The following FFAR4 variants were observed in gnomAD, a reference collection of about 807,000 sequenced individuals.
FFAR4 encodes the protein free fatty acid receptor 4.
FFAR4 carries 19 observed loss-of-function variants against 27.0 expected under a neutral mutation model. That is an observed-to-expected ratio of 0.70 (90% CI 0.49 to 1.03). The LOEUF (loss-of-function observed/expected upper bound fraction) is 1.03. Ranked by LOEUF, FFAR4 falls within the 50% of genes least tolerant of loss-of-function variation. The probability of loss-of-function intolerance (pLI) is 0.00; values close to 1 mark genes in which losing one functional copy is unlikely to be tolerated. For synonymous variants in FFAR4, 254 were observed against 215.6 expected (o/e 1.18, Z -1.56); for missense variants, 476 against 479.0 (o/e 0.99, Z 0.06).
intron 1 of FFAR4, among the ~76,000 whole-genome samples, chr10:93,574,213 A>G (rs2058148819): frequency 6.6e-6 from 1 of 152,080 alleles, no homozygotes; most frequent in Non-Finnish European, 1.5e-5. Flanking sequence ...TTTCACTCCT[A>G]CTGTAGAGAG....
intron 1 of FFAR4, among the ~76,000 whole-genome samples, chr10:93,574,086 A>G (rs1169568654): frequency 6.6e-6 from 1 of 152,142 alleles, no homozygotes; most frequent in African/African-American, 2.4e-5. Context: ...TGTATGTGAG[A>G]GAGAAAGTGT....
At chr10:93,579,735 G>A (rs2058187767) in intron 2 of FFAR4, among the ~76,000 whole-genome samples, 1 of 152,186 alleles carries the variant, frequency 6.6e-6, no homozygotes, top group African/African-American at 2.4e-5. Context: ...ATGAGCCTTG[G>A]ATCACATTGA....
intron 1 of FFAR4, among the ~76,000 whole-genome samples, chr10:93,572,584 A>AGG: frequency 6.6e-6 from 1 of 152,174 alleles, no homozygotes; most frequent in Non-Finnish European, 1.5e-5. Context: ...TAGGTGGATA[A>AGG]GTCAATGGCT....
At chr10:93,576,024 T>C in intron 1 of FFAR4, 67 bp from the exon 2 acceptor site, 2 of 1,552,392 alleles carry the variant, frequency 1.3e-6, no homozygotes, top group Non-Finnish European at 1.8e-6. Flanking sequence ...AAACCCTCAA[T>C]AAGACTGAGC....
chr10:93,579,308 G>A (rs899127373), intron 2 of FFAR4: 23 of 981,880 alleles, frequency 2.3e-5, no homozygotes, highest in African/African-American at 7.9e-5. Flanking sequence ...CCCCGCTGCC[G>A]TTCTCACCTT....
rs2058102463 is a variant in FFAR4 at position 93,567,117 on chromosome 10, A to C, written c.397A>C (p.Ser133Arg). The change falls in exon 1 of 3, where the codon AGC (serine) becomes CGC (arginine). Residue 133 changes from serine (S) to arginine (R), a missense_variant. By Grantham distance (110) the Ser-to-Arg change is moderately radical. Transcript: ENST00000371481. ...SVTILTLAAV[S>R]LERMVCIVHL... Reference sequence around the variant, plus strand: ...CACCATCCTCACGCTGGCCGCGGTCAGCCTGGAGCGCATGGTGTGCATCGT... The same window carrying C: ...CACCATCCTCACGCTGGCCGCGGTCCGCCTGGAGCGCATGGTGTGCATCGT... 6.2e-7 allele frequency: 1 copy of C among 1,608,570 alleles called. No individual in the cohort carries two copies. Among genetic ancestry groups the C allele is most frequent in the South Asian group, 1.1e-5 (1 of 90,814 alleles).
At chr10:93,574,140 A>G (rs1016532848) in intron 1 of FFAR4, among the ~76,000 whole-genome samples, 2 of 152,190 alleles carry the variant, frequency 1.3e-5, no homozygotes, top group Non-Finnish European at 2.9e-5. Context: ...TCATTCACAC[A>G]TATACATTCT....
In FFAR4 at chr10:93,566,665, A is replaced by C; in HGVS notation, c.-56A>C. ...TCCCTCTTTCCCCGCCTTGGCACTC[A>C]GTCGCCTCCCAGATGAGCACTCTCT... On this transcript the variant is annotated 5_prime_UTR_variant, in exon 1 of 3. Transcript: ENST00000371481. The C allele has an allele frequency of 9.8e-7, 1 of 1,022,194 alleles. No individual in the cohort carries two copies. The highest frequency in any genetic ancestry group is 1.4e-6 in the Non-Finnish European group (1 of 713,282). 63.3% of individuals were successfully genotyped at this position (1,022,194 alleles called of 1,614,324 possible). A position where few individuals can be genotyped will look rare whatever the true frequency, so the allele number is the denominator to read the frequency against.
intron 2 of FFAR4, among the ~76,000 whole-genome samples, chr10:93,583,693 G>T (rs56105046): frequency 0.14 from 21,277 of 152,182 alleles, 1,562 homozygotes; most frequent in South Asian, 0.27. Context: ...CAGCTTCTTA[G>T]CTGAGTACTG....
chr10:93,577,247 T>C (rs1296885771), intron 2 of FFAR4, among the ~76,000 whole-genome samples: 1 of 152,232 alleles, frequency 6.6e-6, no homozygotes, highest in Admixed American at 6.5e-5. Context: ...TGGAGGTTTA[T>C]AGTTGTTGAA....
intron 1 of FFAR4, among the ~76,000 whole-genome samples, chr10:93,573,363 A>G (rs2058142948): frequency 6.6e-6 from 1 of 152,200 alleles, no homozygotes; most frequent in African/African-American, 2.4e-5. Flanking sequence ...AAATCAGGGG[A>G]CATTTCACAT....
chr10:93,586,964 G>T (rs1294339206), intron 2 of FFAR4, among the ~76,000 whole-genome samples: 1 of 152,150 alleles, frequency 6.6e-6, no homozygotes, highest in Non-Finnish European at 1.5e-5. Context: ...TGTCCCTCTT[G>T]TAGACCACCC....
At chr10:93,576,784 A>G (rs2058166705) in intron 2 of FFAR4, among the ~76,000 whole-genome samples, 1 of 152,116 alleles carries the variant, frequency 6.6e-6, no homozygotes, top group Admixed American at 6.5e-5. Context: ...ATATGACTTC[A>G]TTTATTTTAT....
chr10:93,580,723 C>G (rs2058192187), intron 2 of FFAR4, among the ~76,000 whole-genome samples: 1 of 152,126 alleles, frequency 6.6e-6, no homozygotes, highest in African/African-American at 2.4e-5. Context: ...CTTCCTGGTT[C>G]TGACCTGGGC....
At chr10:93,573,378 A>C (rs1277031030) in intron 1 of FFAR4, among the ~76,000 whole-genome samples, 1 of 152,242 alleles carries the variant, frequency 6.6e-6, no homozygotes, top group Non-Finnish European at 1.5e-5. Flanking sequence ...TCACATGTGC[A>C]GAAAAAGTAC....
chr10:93,567,118 G>A lies in FFAR4; in HGVS notation c.398G>A (p.Ser133Asn), dbSNP rs749304646. Residue 133 changes from serine to asparagine, a missense_variant, in exon 1 of 3, where the codon AGC becomes AAC. Physicochemically the swap from Ser to Asn is conservative, Grantham distance 46. Transcript: ENST00000371481. ...SVTILTLAAV[S>N]LERMVCIVHL... Reference sequence around the variant, plus strand: ...ACCATCCTCACGCTGGCCGCGGTCAGCCTGGAGCGCATGGTGTGCATCGTG... The same window carrying A: ...ACCATCCTCACGCTGGCCGCGGTCAACCTGGAGCGCATGGTGTGCATCGTG... The A allele has an allele frequency of 2.6e-5, 42 of 1,608,516 alleles. No individual in the cohort carries two copies. Among genetic ancestry groups the A allele is most frequent in the Non-Finnish European group, 3.3e-5 (39 of 1,178,854 alleles).
intron 2 of FFAR4, among the ~76,000 whole-genome samples, chr10:93,584,205 G>T (rs2134555860): frequency 6.6e-6 from 1 of 151,976 alleles, no homozygotes. Flanking sequence ...GTGCCAATAT[G>T]GCCTCTGGCG....
chr10:93,585,694 T>C (rs535877289), intron 2 of FFAR4, among the ~76,000 whole-genome samples: 56 of 152,318 alleles, frequency 3.7e-4, no homozygotes, highest in Admixed American at 8.5e-4. Context: ...CCCCTTCTGT[T>C]GGTCATTGCC....
chr10:93,568,507 G>A (rs1260666202), intron 1 of FFAR4, among the ~76,000 whole-genome samples: 1 of 152,134 alleles, frequency 6.6e-6, no homozygotes, highest in Non-Finnish European at 1.5e-5. Flanking sequence ...TCCCAAAGAG[G>A]GACCTTCGAA....
Sources: allele counts gnomAD v4.1 joint callset (sites outside exome capture counted in the v4.1 genomes callset), GRCh38; gene constraint gnomAD v4.1.1; transcripts MANE v1.5; gene names NCBI Gene and HGNC (gene_info 2026-07-23, HGNC 2026-07-21).